Variants in MAGI2 observed in about 807,000 individuals in gnomAD.
MAGI2 encodes the protein membrane associated guanylate kinase, WW and PDZ domain containing 2.
MAGI2 carries 35 observed loss-of-function variants against 133.3 expected under a neutral mutation model. That is an observed-to-expected ratio of 0.26 (90% CI 0.20 to 0.35). The LOEUF (loss-of-function observed/expected upper bound fraction) is 0.35. Ranked by LOEUF, MAGI2 falls within the 10% of genes least tolerant of loss-of-function variation. MAGI2 has a pLI of 1.00. For missense variants in MAGI2, 1,636 were observed against 1,863.4 expected (o/e 0.88, Z 2.25); for synonymous variants, 729 against 710.6 (o/e 1.03, Z -0.41).
Position 78,976,198 on chromosome 7 carries a change from C to T in MAGI2, c.418+30892G>A, listed in dbSNP as rs151189084. 8.3e-4 allele frequency among the ~76,000 whole-genome samples: 126 copies of T among 151,504 alleles called. No individual in the cohort carries two copies. The East Asian group carries it at 0.014, about 17-fold the overall frequency. On this transcript the variant is annotated intron_variant, in intron 2 of 21. Transcript: ENST00000354212. ...TCATCAACAAAATATTATCAAGCCA[C>T]ATCAAAAATGTATAAAATAAGTTAT...
chr7:78,916,064 A>C (rs2151625129), intron 2 of MAGI2, among the ~76,000 whole-genome samples: 1 of 152,266 alleles, frequency 6.6e-6, no homozygotes, highest in East Asian at 1.9e-4. Context: ...ACATGTGAGC[A>C]TATGGTTTAG....
intron 1 of MAGI2, among the ~76,000 whole-genome samples, chr7:79,179,204 C>T (rs1039585027): frequency 6.6e-6 from 1 of 151,792 alleles, no homozygotes; most frequent in African/African-American, 2.4e-5. Flanking sequence ...TTTCTGAAAA[C>T]ACCTATTTTT....
At chr7:78,590,238 G>A (rs1006853068) in intron 3 of MAGI2, among the ~76,000 whole-genome samples, 8 of 152,202 alleles carry the variant, frequency 5.3e-5, no homozygotes, top group Non-Finnish European at 7.3e-5. Flanking sequence ...AAGTCACTGA[G>A]GAGCTGAGTG....
chr7:79,409,816 T>G (rs1285974170), intron 1 of MAGI2, among the ~76,000 whole-genome samples: 1 of 152,094 alleles, frequency 6.6e-6, no homozygotes, highest in Non-Finnish European at 1.5e-5. Context: ...TGCCTATATG[T>G]CCTAGGTCAA....
intron 2 of MAGI2, among the ~76,000 whole-genome samples, chr7:78,837,781 G>A (rs909933739): frequency 6.6e-6 from 1 of 152,082 alleles, no homozygotes; most frequent in African/African-American, 2.4e-5. Context: ...TTTTAGGAAT[G>A]CTTAATTTTG....
intron 1 of MAGI2, among the ~76,000 whole-genome samples, chr7:79,281,836 A>G (rs1835666487): frequency 6.6e-6 from 1 of 152,186 alleles, no homozygotes; most frequent in Admixed American, 6.5e-5. Context: ...ATAATATGAA[A>G]CAGAGTTAGA....
At chr7:78,312,991 A>T (rs1414872933) in intron 9 of MAGI2, among the ~76,000 whole-genome samples, 1 of 151,626 alleles carries the variant, frequency 6.6e-6, no homozygotes, top group East Asian at 1.9e-4. Context: ...CACATCGCAT[A>T]GAATACCACT....
intron 3 of MAGI2, among the ~76,000 whole-genome samples, chr7:78,568,843 A>G (rs976432494): frequency 3.3e-5 from 5 of 151,980 alleles, no homozygotes; most frequent in Admixed American, 2.0e-4. Context: ...AAAACTCTCC[A>G]AAGTGTTCCA....
intron 1 of MAGI2, among the ~76,000 whole-genome samples, chr7:79,030,600 G>T (rs1810470307): frequency 6.6e-6 from 1 of 152,158 alleles, no homozygotes; most frequent in African/African-American, 2.4e-5. Flanking sequence ...AACATAGCAG[G>T]TGTTTAAGTA....
intron 6 of MAGI2, among the ~76,000 whole-genome samples, chr7:78,399,298 C>T (rs902508480): frequency 6.6e-6 from 1 of 152,190 alleles, no homozygotes; most frequent in Non-Finnish European, 1.5e-5. Flanking sequence ...TCTTTTCAAC[C>T]TAATGCTATA....
chr7:78,515,714 A>G (rs1795983439), intron 4 of MAGI2, among the ~76,000 whole-genome samples: 1 of 152,170 alleles, frequency 6.6e-6, no homozygotes, highest in African/African-American at 2.4e-5. Context: ...CAGCCTGACC[A>G]AATGGAGAAA....
intron 6 of MAGI2, among the ~76,000 whole-genome samples, chr7:78,387,790 A>T (rs1795522243): frequency 6.6e-6 from 1 of 151,994 alleles, no homozygotes. Flanking sequence ...ATTAGGTGTG[A>T]TGGCACGCGC....
chr7:78,224,711 T>TC (rs1554506914), intron 10 of MAGI2, among the ~76,000 whole-genome samples: 3 of 149,068 alleles, frequency 2.0e-5, no homozygotes, highest in African/African-American at 2.5e-5. Context: ...TTTTTTTTTT[T>TC]CACCAAATAG....
intron 21 of MAGI2, among the ~76,000 whole-genome samples, chr7:78,063,303 G>A (rs1813474115): frequency 6.6e-6 from 1 of 152,122 alleles, no homozygotes; most frequent in African/African-American, 2.4e-5. Context: ...GTACAGTGGT[G>A]CAATCATCGC....
In MAGI2 at chr7:78,055,822, A is replaced by C. The variant is rs1812508771; in HGVS notation, c.3706+23125T>G. 2.0e-5 allele frequency among the ~76,000 whole-genome samples: 3 copies of C among 152,136 alleles called. No individual in the cohort carries two copies. In the South Asian group the frequency reaches 6.2e-4, roughly 32 times the overall value. ...TTAAGAAACTCAGCACCTCTTATCT[A>C]ATTGTCCTGAAGGCTGCATAATGTA... On this transcript the variant is annotated intron_variant, in intron 21 of 21. Transcript: ENST00000354212.
chr7:78,843,262 T>C (rs1001607114), intron 2 of MAGI2, among the ~76,000 whole-genome samples: 2 of 151,888 alleles, frequency 1.3e-5, no homozygotes, highest in Admixed American at 6.6e-5. Flanking sequence ...TTTTGAAATA[T>C]AGCATTTCAT....
At chr7:79,307,624 C>T (rs12669047) in intron 1 of MAGI2, among the ~76,000 whole-genome samples, 27,175 of 151,926 alleles carry the variant, frequency 0.18, 2,840 homozygotes, top group East Asian at 0.35. Context: ...AAAGAAATAA[C>T]GAGGATATGA....
Position 78,369,096 on chromosome 7 carries a change from A to C in MAGI2, c.1103+60T>G, listed in dbSNP as rs989075826. 8 of 1,251,730 alleles carry C rather than the reference A, an allele frequency of 6.4e-6. No homozygotes were observed. In the African/African-American group the frequency reaches 1.2e-4, roughly 19 times the overall value. The allele number at this position is 1,251,730 out of a possible 1,614,324, so 77.5% of individuals were successfully genotyped here. ...TGAGCCACACATGCTCAATAAATAA[A>C]ATACTAACATAATTTCACAACATAT... On this transcript the variant is annotated intron_variant, in intron 7 of 21. Transcript: ENST00000354212.
chr7:78,210,786 T>A (rs932491226), intron 10 of MAGI2, among the ~76,000 whole-genome samples: 1 of 152,148 alleles, frequency 6.6e-6, no homozygotes, highest in Non-Finnish European at 1.5e-5. Context: ...CTTCAAGAAG[T>A]AGTAGATGTA....
Sources: allele counts gnomAD v4.1 joint callset (sites outside exome capture counted in the v4.1 genomes callset), GRCh38; gene constraint gnomAD v4.1.1; transcripts MANE v1.5; gene names NCBI Gene and HGNC (gene_info 2026-07-23, HGNC 2026-07-21).